The following HMGCLL1 variants were observed in gnomAD, a reference collection of about 807,000 sequenced individuals.
HMGCLL1 encodes 3-hydroxy-3-methylglutaryl-CoA lyase like 1.
HMGCLL1 carries 36 observed loss-of-function variants against 39.1 expected under a neutral mutation model. The ratio of observed to expected loss-of-function variants is 0.92; its 90% CI spans 0.71 to 1.22. The LOEUF (loss-of-function observed/expected upper bound fraction) is 1.22, where lower values mean the gene tolerates loss of function less well. Among genes scored for constraint, HMGCLL1 ranks in the 50% most tolerant of loss-of-function variants. HMGCLL1 has a pLI of 0.00. For missense variants in HMGCLL1, 451 were observed against 416.5 expected, an observed-to-expected ratio of 1.08 and a Z score of -0.72; for synonymous variants, 149 against 144.0, an observed-to-expected ratio of 1.03 and a Z score of -0.25.
At chr6:55,548,024 G>A (rs1055586068) in intron 1 of HMGCLL1, among the ~76,000 whole-genome samples, 4 of 151,956 alleles carry the variant, frequency 2.6e-5, no homozygotes, top group African/African-American at 4.8e-5. Flanking sequence ...ATGTGCCAAC[G>A]TTGATTCACA....
chr6:55,602,421 C>A, the HMGCLL1 span, among the ~76,000 whole-genome samples: 15 of 152,044 alleles, frequency 9.9e-5, no homozygotes, highest in African/African-American at 3.6e-4. Context: ...GCATTTCATA[C>A]ATTCTCTTGA....
At chr6:55,511,804 A>T (rs550229161) in intron 5 of HMGCLL1, among the ~76,000 whole-genome samples, 99 of 152,248 alleles carry the variant, frequency 6.5e-4, no homozygotes, top group African/African-American at 2.2e-3. Context: ...TCAACTACAC[A>T]AATAGCTGCT....
the HMGCLL1 span, among the ~76,000 whole-genome samples, chr6:55,602,666 G>A: frequency 6.6e-6 from 1 of 151,886 alleles, no homozygotes; most frequent in South Asian, 2.1e-4. Context: ...CAAATAAGAT[G>A]TAAAAAATGT....
intron 7 of HMGCLL1, among the ~76,000 whole-genome samples, chr6:55,480,231 C>T (rs938472788): frequency 6.6e-6 from 1 of 151,492 alleles, no homozygotes; most frequent in South Asian, 2.1e-4. Context: ...ATCCATTTGA[C>T]AGGGATTAAT....
In HMGCLL1 at chr6:55,579,139, G is replaced by A. The variant is rs1035913377; in HGVS notation, c.-84C>T. 4.9e-6 allele frequency: 5 copies of A among 1,012,322 alleles called. No individual in the cohort carries two copies. Among genetic ancestry groups the A allele is most frequent in the Non-Finnish European group, 7.5e-6 (5 of 663,870 alleles). 62.7% of individuals were successfully genotyped at this position (1,012,322 alleles called of 1,614,324 possible). The stretch of plus-strand genomic sequence containing the variant: ...GGCACCGCGCTGGGAAACTGCGCCA[G>A]CTCGGGAGCGCGCCCCTCCGGTGCA... On this transcript the variant is annotated 5_prime_UTR_variant, in exon 1 of 9. Coordinates refer to ENST00000274901, the MANE Select transcript of HMGCLL1 (RefSeq NM_001042406.2).
At chr6:55,519,966 AT>A (rs1292354867) in intron 3 of HMGCLL1, among the ~76,000 whole-genome samples, 1 of 151,846 alleles carries the variant, frequency 6.6e-6, no homozygotes, top group Non-Finnish European at 1.5e-5. Context: ...GCAAACAATA[AT>A]TTTTTTAAAT....
intron 1 of HMGCLL1, among the ~76,000 whole-genome samples, chr6:55,549,377 T>TGTGTGC (rs999803385): frequency 7.3e-6 from 1 of 137,638 alleles, no homozygotes; most frequent in Non-Finnish European, 1.7e-5. Flanking sequence ...TACAGAAGTG[T>TGTGTGC]GTGTGTGTGT....
At chr6:55,435,876 C>T (rs1763350334) in intron 8 of HMGCLL1, 113 bp from the exon 9 acceptor site, 5 of 494,802 alleles carry the variant, frequency 1.0e-5, no homozygotes, top group Middle Eastern at 4.1e-4. Context: ...AATTACTAAA[C>T]AAAGTGGTGT....
chr6:55,469,967 T>G (rs944820012), intron 7 of HMGCLL1, among the ~76,000 whole-genome samples: 7 of 152,016 alleles, frequency 4.6e-5, no homozygotes, highest in African/African-American at 1.7e-4. Flanking sequence ...AAGAGAATTT[T>G]AAAGTTTTCC....
chr6:55,586,233 G>C, the HMGCLL1 span, among the ~76,000 whole-genome samples: 2 of 151,926 alleles, frequency 1.3e-5, no homozygotes, highest in Non-Finnish European at 2.9e-5. Flanking sequence ...TAGGTTTCTC[G>C]TTTAACTATG....
chr6:55,645,093 CTGT>C, the HMGCLL1 span, among the ~76,000 whole-genome samples: 1 of 151,834 alleles, frequency 6.6e-6, no homozygotes, highest in Non-Finnish European at 1.5e-5. Flanking sequence ...TCATAGAACA[CTGT>C]TGTTGTAGAG....
At chr6:55,605,281 G>A in the HMGCLL1 span, among the ~76,000 whole-genome samples, 4 of 152,138 alleles carry the variant, frequency 2.6e-5, no homozygotes, top group Non-Finnish European at 5.9e-5. Flanking sequence ...GTTACACTCC[G>A]ACTACTCCTT....
At position 55,514,118 on chromosome 6, in the gene HMGCLL1, T is replaced by C. The variant is rs746593770; in HGVS notation, c.472A>G (p.Ile158Val). The change falls in exon 5 of 9, where the codon ATT becomes GTT. Residue 158 changes from isoleucine (I) to valine (V), a missense_variant. By Grantham distance (29) the Ile-to-Val change is conservative (BLOSUM62 3). Coordinates refer to ENST00000274901, the MANE Select transcript of HMGCLL1 (RefSeq NM_001042406.2). Reference protein sequence around the residue: ...SFSKKNINCSIEESMGKFEEV... With the variant: ...SFSKKNINCSVEESMGKFEEV... ...TCAAATTTTCCCATACTTTCTTCAATGGAACAGTTAATATTCTTCTTGCTA... is the reference window on the plus strand; with the variant it reads ...TCAAATTTTCCCATACTTTCTTCAACGGAACAGTTAATATTCTTCTTGCTA... 1.9e-6 allele frequency: 3 copies of C among 1,613,018 alleles called. No individual in the cohort carries two copies. Among genetic ancestry groups the C allele is most frequent in the Admixed American group, 1.7e-5 (1 of 59,932 alleles).
At chr6:55,676,789 A>G in the HMGCLL1 span, among the ~76,000 whole-genome samples, 1 of 152,256 alleles carries the variant, frequency 6.6e-6, no homozygotes, top group Non-Finnish European at 1.5e-5. Context: ...CTTGGTTTTA[A>G]GAATAAAAAG....
chr6:55,561,065 T>C (rs1257627514), intron 1 of HMGCLL1, among the ~76,000 whole-genome samples: 1 of 152,214 alleles, frequency 6.6e-6, no homozygotes, highest in African/African-American at 2.4e-5. Context: ...TGTTCAATTA[T>C]GTTTAATATT....
At chr6:55,467,298 A>G (rs1334612524) in intron 7 of HMGCLL1, among the ~76,000 whole-genome samples, 1 of 152,076 alleles carries the variant, frequency 6.6e-6, no homozygotes, top group Non-Finnish European at 1.5e-5. Flanking sequence ...AATACAAAAT[A>G]TATTTTTTCT....
intron 1 of HMGCLL1, among the ~76,000 whole-genome samples, chr6:55,561,701 T>G (rs1770957537): frequency 6.6e-6 from 1 of 152,170 alleles, no homozygotes; most frequent in Non-Finnish European, 1.5e-5. Context: ...TGAACAACTC[T>G]TCTATCAGTA....
rs1766563499 is a variant in HMGCLL1 at position 55,496,127 on chromosome 6, A to AT, written c.607-521dup. The stretch of plus-strand genomic sequence containing the variant: ...AACTCTATGGATCCACTTGTACGTG[A>AT]TTTTTTAAAAAATAACTATATTAAA... On this transcript the variant is annotated intron_variant, in intron 6 of 8. Coordinates refer to ENST00000274901, the MANE Select transcript of HMGCLL1 (RefSeq NM_001042406.2). Among the ~76,000 whole-genome samples, 5 of 152,122 alleles carry AT rather than the reference A, an allele frequency of 3.3e-5. 1 individual carries two copies. In the South Asian group the frequency reaches 6.2e-4, roughly 19 times the overall value.
intron 7 of HMGCLL1, among the ~76,000 whole-genome samples, chr6:55,464,164 C>T (rs1455326876): frequency 6.6e-6 from 1 of 152,046 alleles, no homozygotes; most frequent in African/African-American, 2.4e-5. Flanking sequence ...TCTTAATTTA[C>T]TAATGTACAA....
Sources: allele counts gnomAD v4.1 joint callset (sites outside exome capture counted in the v4.1 genomes callset), GRCh38; gene constraint gnomAD v4.1.1; transcripts MANE v1.5; gene names NCBI Gene and HGNC (gene_info 2026-07-23, HGNC 2026-07-21).